GYPC: variants seen among roughly 807,000 people sequenced by gnomAD.
GYPC encodes the protein glycophorin C (Gerbich blood group).
GYPC carries 14 observed loss-of-function variants against 12.6 expected under a neutral mutation model. The observed-to-expected ratio is 1.11, with a 90% CI of 0.74 to 1.74. GYPC has a LOEUF of 1.74. GYPC is among the 40% of genes most tolerant of loss of function. The pLI is 0.00. For missense variants in GYPC, 225 were observed against 172.1 expected (o/e 1.31, Z -1.72); for synonymous variants, 78 against 62.1 (o/e 1.26, Z -1.20).
chr2:126,677,356 A>G (rs1333086488), intron 1 of GYPC, among the ~76,000 whole-genome samples: 2 of 147,138 alleles, frequency 1.4e-5, no homozygotes, highest in African/African-American at 2.5e-5. Flanking sequence ...TGTGTGTGTG[A>G]GTGTGAGAGA....
chr2:126,677,345 ATG>A (rs201298328), intron 1 of GYPC, among the ~76,000 whole-genome samples: 11,895 of 146,946 alleles, frequency 0.081, 504 homozygotes, highest in Non-Finnish European at 0.11. Context: ...GTAAGAAAGA[ATG>A]TGTGTGTGAG....
At chr2:126,695,682 G>A (rs1027000182) in intron 3 of GYPC, among the ~76,000 whole-genome samples, 10 of 151,968 alleles carry the variant, frequency 6.6e-5, no homozygotes, top group Non-Finnish European at 1.5e-4. Flanking sequence ...TTAGGTTAAT[G>A]TTAAGTGTTC....
intron 1 of GYPC, among the ~76,000 whole-genome samples, chr2:126,682,893 G>A (rs746818747): frequency 2.0e-5 from 3 of 152,134 alleles, no homozygotes; most frequent in Middle Eastern, 3.2e-3. Context: ...CACTAGAATC[G>A]CCTCCTCCCC....
rs375630050 is a variant in GYPC at position 126,677,306 on chromosome 2, A to C, written c.50-12949A>C. ...GTGTGTGAGTGTGTTAGAGTGTGTG[A>C]GTGTGTGTGAGAATGTGTGTGATAG... On this transcript the variant is annotated intron_variant, in intron 1 of 3. Transcript: ENST00000259254. Among the ~76,000 whole-genome samples, 13 of 149,434 alleles carry C rather than the reference A, an allele frequency of 8.7e-5. No homozygotes were observed. In the East Asian group the frequency reaches 2.4e-3, roughly 28 times the overall value.
chr2:126,671,378 C>A (rs1682850892), intron 1 of GYPC, among the ~76,000 whole-genome samples: 1 of 152,260 alleles, frequency 6.6e-6, no homozygotes, highest in South Asian at 2.1e-4. Flanking sequence ...CAGCCAGGGA[C>A]AACCAGCTAA....
chr2:126,681,670 G>T (rs1305489172), intron 1 of GYPC, among the ~76,000 whole-genome samples: 4 of 151,920 alleles, frequency 2.6e-5, no homozygotes, highest in Admixed American at 2.0e-4. Flanking sequence ...TTACAATGGG[G>T]CTACACTGTT....
intron 2 of GYPC, among the ~76,000 whole-genome samples, chr2:126,692,979 G>A (rs1964424): frequency 0.59 from 88,991 of 151,638 alleles, 26,524 homozygotes; most frequent in African/African-American, 0.68. Context: ...CACCTCATAG[G>A]ATGGATGTGA....
At chr2:126,677,530 T>A (rs965038659) in intron 1 of GYPC, among the ~76,000 whole-genome samples, 15 of 150,252 alleles carry the variant, frequency 1.0e-4, no homozygotes, top group African/African-American at 3.7e-4. Flanking sequence ...TGTGTGTGTG[T>A]GAGTCTGTGT....
intron 1 of GYPC, among the ~76,000 whole-genome samples, chr2:126,657,350 A>C (rs947158323): frequency 6.6e-6 from 1 of 152,222 alleles, no homozygotes; most frequent in Non-Finnish European, 1.5e-5. Context: ...CTCAGTCTGC[A>C]CTGGGATCAT....
chr2:126,688,862 C>T lies in GYPC; in HGVS notation c.50-1393C>T, dbSNP rs138756751. Reference sequence around the variant, plus strand: ...CTCATAGCACTATAATTAAAGTGATCATCTGAGTGGAAATGACTATTATGA... The same window carrying T: ...CTCATAGCACTATAATTAAAGTGATTATCTGAGTGGAAATGACTATTATGA... On this transcript the variant is annotated intron_variant, in intron 1 of 3. Transcript: ENST00000259254. Among the ~76,000 whole-genome samples, 74 of 152,230 alleles carry T rather than the reference C, an allele frequency of 4.9e-4. No individual in the cohort carries two copies. The East Asian group carries it at 8.7e-3, about 18-fold the overall frequency.
At chr2:126,693,804 G>A (rs1435783693) in intron 2 of GYPC, 60 bp from the exon 3 acceptor site, 1 of 1,133,828 alleles carries the variant, frequency 8.8e-7, no homozygotes, top group Non-Finnish European at 1.3e-6. Flanking sequence ...TTGGGCCAAG[G>A]TGCTGCTAGG....
rs371398286 is a variant in GYPC at position 126,690,353 on chromosome 2, G to C, written c.106+42G>C. On this transcript the variant is annotated intron_variant, in intron 2 of 3. Coordinates refer to ENST00000259254, the MANE Select transcript of GYPC (RefSeq NM_002101.5). ...GAGCCTCACCATAATGGAAACTGCC[G>C]TGACTTCAGATGAGCTCTCATCACA... 16 of 1,427,148 alleles carry C rather than the reference G, an allele frequency of 1.1e-5. No individual in the cohort carries two copies. In the Admixed American group the frequency reaches 2.2e-4, roughly 19 times the overall value. The allele number at this position is 1,427,148 out of a possible 1,614,324, so 88.4% of individuals were successfully genotyped here. A position where few individuals can be genotyped will look rare whatever the true frequency, so the allele number is the denominator to read the frequency against.
chr2:126,694,287 A>G (rs184784819), intron 3 of GYPC, among the ~76,000 whole-genome samples: 73 of 152,208 alleles, frequency 4.8e-4, no homozygotes, highest in Admixed American at 1.4e-3. Context: ...CTTCTCCACC[A>G]TCTCCCTCAT....
intron 1 of GYPC, 74 bp downstream of exon 1, chr2:126,656,386 C>G: frequency 7.6e-7 from 1 of 1,320,156 alleles, no homozygotes; most frequent in Admixed American, 2.0e-5. Context: ...GGGGCCGAGC[C>G]ACGGCCACGG....
chr2:126,656,232 C>G lies in GYPC; in HGVS notation c.-32C>G. 1 of 1,590,352 alleles carries G rather than the reference C, an allele frequency of 6.3e-7. No homozygotes were observed. The highest frequency in any genetic ancestry group is 8.5e-7 in the Non-Finnish European group (1 of 1,171,010). ...CCGGCCTGGCCCGGCCTGGCCAGTC[C>G]CCGCGGTCTCTGCCCGGGCTGACGC... On this transcript the variant is annotated 5_prime_UTR_variant, in exon 1 of 4. Coordinates refer to ENST00000259254, the MANE Select transcript of GYPC (RefSeq NM_002101.5).
chr2:126,673,736 G>A (rs17741655), intron 1 of GYPC, among the ~76,000 whole-genome samples: 34,953 of 152,094 alleles, frequency 0.23, 4,830 homozygotes, highest in Non-Finnish European at 0.32. Context: ...GTGGACAAAT[G>A]GTTTCATGCT....
At chr2:126,686,539 A>G in intron 1 of GYPC, 1 of 985,416 alleles carries the variant, frequency 1.0e-6, no homozygotes, top group South Asian at 4.7e-5. Flanking sequence ...GTTCCCCAGA[A>G]GGCTTTCAAA....
intron 1 of GYPC, among the ~76,000 whole-genome samples, chr2:126,675,290 C>A (rs557814414): frequency 6.6e-6 from 1 of 152,212 alleles, no homozygotes; most frequent in Non-Finnish European, 1.5e-5. Flanking sequence ...GAATCTGAGA[C>A]ACATCTTAAT....
In GYPC at chr2:126,693,880, G is replaced by A; in HGVS notation, c.123G>A (p.Met41Ile). 6.2e-7 allele frequency: 1 copy of A among 1,609,210 alleles called. No individual in the cohort carries two copies. Among genetic ancestry groups the A allele is most frequent in the South Asian group, 1.1e-5 (1 of 91,012 alleles). ...TGTTCACAGAGCCTGATCCAGGGAT[G>A]TCTGGATGGCCGGATGGCAGAATGG... ...TTTIAEPDPG[M>I]SGWPDGRMET... Residue 41 changes from methionine to isoleucine, a missense_variant, in exon 3 of 4, where the codon ATG becomes ATA. Physicochemically the swap from Met to Ile is conservative, Grantham distance 10. Coordinates refer to ENST00000259254, the MANE Select transcript of GYPC (RefSeq NM_002101.5).
Sources: allele counts gnomAD v4.1 joint callset (sites outside exome capture counted in the v4.1 genomes callset), GRCh38; gene constraint gnomAD v4.1.1; transcripts MANE v1.5; gene names NCBI Gene and HGNC (gene_info 2026-07-23, HGNC 2026-07-21).